GLI2: variants seen among roughly 807,000 people sequenced by gnomAD.
The protein encoded by GLI2 is GLI family zinc finger 2, also known as transcription activator GLI2.
A neutral mutation model predicts 78.9 loss-of-function variants in GLI2; 22 were observed. The ratio of observed to expected loss-of-function variants is 0.28; its 90% CI spans 0.20 to 0.40. GLI2 has a LOEUF of 0.40. Among genes scored for constraint, GLI2 ranks in the 10% least tolerant of loss-of-function variants. The pLI is 1.00. For synonymous variants in GLI2, 974 were observed against 963.7 expected (o/e 1.01, Z -0.20); for missense variants, 2,097 against 2,213.2 (o/e 0.95, Z 1.05).
At chr2:120,892,704 G>C (rs1337619595) in intron 2 of GLI2, among the ~76,000 whole-genome samples, 1 of 152,214 alleles carries the variant, frequency 6.6e-6, no homozygotes, top group African/African-American at 2.4e-5. Context: ...CAGAACTGGT[G>C]TGTAAATACC....
chr2:120,923,780 A>G (rs1679524499), intron 2 of GLI2, among the ~76,000 whole-genome samples: 1 of 152,094 alleles, frequency 6.6e-6, no homozygotes, highest in South Asian at 2.1e-4. Flanking sequence ...CACGTGCAGC[A>G]CACACATATA....
chr2:120,761,477 C>T (rs570148919), intron 1 of GLI2, among the ~76,000 whole-genome samples: 3 of 152,296 alleles, frequency 2.0e-5, no homozygotes, highest in African/African-American at 2.4e-5. Flanking sequence ...TTCTTTTCTC[C>T]CCACCTCAGA....
At chr2:120,746,420 G>C (rs1009790168) in intron 1 of GLI2, among the ~76,000 whole-genome samples, 8 of 152,194 alleles carry the variant, frequency 5.3e-5, no homozygotes. Context: ...TGCCCAGCCA[G>C]AAAGTAGAAG....
intron 3 of GLI2, among the ~76,000 whole-genome samples, chr2:120,950,495 C>A (rs906502808): frequency 1.3e-5 from 2 of 152,072 alleles, no homozygotes; most frequent in Non-Finnish European, 2.9e-5. Context: ...TCTTGGTGGG[C>A]GGACTTGGGG....
At chr2:120,873,111 C>G (rs72955303) in intron 2 of GLI2, among the ~76,000 whole-genome samples, 3,354 of 152,270 alleles carry the variant, frequency 0.022, 119 homozygotes, top group African/African-American at 0.077. Flanking sequence ...CTTGCTACCT[C>G]GTAACCTTTC....
chr2:120,815,265 C>T (rs1445445616), intron 2 of GLI2, among the ~76,000 whole-genome samples: 4 of 152,250 alleles, frequency 2.6e-5, no homozygotes, highest in Non-Finnish European at 4.4e-5. Context: ...AAGTCTTTAT[C>T]GGGAAGTGTT....
At chr2:120,935,778 G>A (rs992153913) in intron 3 of GLI2, among the ~76,000 whole-genome samples, 10 of 152,152 alleles carry the variant, frequency 6.6e-5, no homozygotes, top group African/African-American at 2.2e-4. Context: ...GAATGCACTC[G>A]CTGGGCTGCG....
rs143371892 is a variant in GLI2 at position 120,885,148 on chromosome 2, C to T, written c.149-42213C>T. Among the ~76,000 whole-genome samples the T allele has an allele frequency of 9.2e-5, 14 of 152,342 alleles. No individual in the cohort carries two copies. The East Asian group carries it at 2.3e-3, about 25-fold the overall frequency. On this transcript the variant is annotated intron_variant, in intron 2 of 13. Coordinates refer to ENST00000361492, the MANE Select transcript of GLI2 (RefSeq NM_001374353.1). ...CAGGAGGCTTTCCCCGATCTCATCA[C>T]CCCCAGGGAAGAGATCTCCCTTCTG...
rs1682336374 is a variant in GLI2 at position 120,735,998 on chromosome 2, G to T, written c.-318G>T. 6.6e-6 allele frequency among the ~76,000 whole-genome samples: 1 copy of T among 151,930 alleles called. No homozygotes were observed. Among genetic ancestry groups the T allele is most frequent in the Admixed American group, 6.6e-5 (1 of 15,256 alleles). ...GGCGGCGGCTGCGACTGCGAACGCG[G>T]AGGAAGGCCAGGAGCCGCAGGAGGA... On this transcript the variant is annotated 5_prime_UTR_variant, in exon 1 of 14. Transcript: ENST00000361492.
intron 3 of GLI2, among the ~76,000 whole-genome samples, chr2:120,950,605 G>A (rs571706893): frequency 1.3e-4 from 20 of 152,280 alleles, no homozygotes; most frequent in Middle Eastern, 6.8e-3. Flanking sequence ...TTCTGTTAGC[G>A]CTAGGAGGAA....
At chr2:120,739,550 T>G (rs1412942930) in intron 1 of GLI2, among the ~76,000 whole-genome samples, 1 of 152,190 alleles carries the variant, frequency 6.6e-6, no homozygotes, top group African/African-American at 2.4e-5. Context: ...CCAGCCTTGC[T>G]TCTTGGAGGC....
chr2:120,805,104 G>A (rs146136505), intron 2 of GLI2, among the ~76,000 whole-genome samples: 44 of 152,334 alleles, frequency 2.9e-4, no homozygotes, highest in Middle Eastern at 6.8e-3. Context: ...ACGGAAACCC[G>A]AGCATTCCTC....
At chr2:120,844,265 C>T (rs1476999528) in intron 2 of GLI2, among the ~76,000 whole-genome samples, 7 of 152,330 alleles carry the variant, frequency 4.6e-5, no homozygotes, top group African/African-American at 1.7e-4. Context: ...ATGGTATGTG[C>T]ATGATCGAGC....
At chr2:120,975,172 A>T in intron 9 of GLI2, 63 bp downstream of exon 9, 1 of 1,543,114 alleles carries the variant, frequency 6.5e-7, no homozygotes, top group Non-Finnish European at 8.9e-7. Flanking sequence ...CAGGATGCTG[A>T]GCCTTCCAGG....
At chr2:120,945,739 C>G (rs1214764286) in intron 3 of GLI2, among the ~76,000 whole-genome samples, 1 of 152,204 alleles carries the variant, frequency 6.6e-6, no homozygotes, top group African/African-American at 2.4e-5. Context: ...CTCAGCAACC[C>G]TTGCGGACAG....
At chr2:120,900,732 G>A (rs940173001) in intron 2 of GLI2, among the ~76,000 whole-genome samples, 1 of 152,190 alleles carries the variant, frequency 6.6e-6, no homozygotes, top group Non-Finnish European at 1.5e-5. Context: ...GCGTGGAGAC[G>A]GACATTGTAT....
At chr2:120,754,245 G>A (rs544632611) in intron 1 of GLI2, among the ~76,000 whole-genome samples, 1 of 152,178 alleles carries the variant, frequency 6.6e-6, no homozygotes, top group African/African-American at 2.4e-5. Context: ...CATCAACAGG[G>A]AGTGTTATCA....
intron 5 of GLI2, among the ~76,000 whole-genome samples, chr2:120,957,739 G>A (rs1014521735): frequency 2.0e-5 from 3 of 152,248 alleles, no homozygotes; most frequent in Non-Finnish European, 2.9e-5. Flanking sequence ...GTGTGTGTAC[G>A]TGCACACGTG....
intron 1 of GLI2, among the ~76,000 whole-genome samples, chr2:120,791,984 C>T (rs1297383674): frequency 1.3e-5 from 2 of 152,066 alleles, no homozygotes; most frequent in African/African-American, 4.8e-5. Context: ...GCACGCATGC[C>T]GCACGACTGA....
Sources: gnomAD v4.1 joint callset for allele counts (sites outside exome capture counted in the v4.1 genomes callset) on GRCh38, gnomAD v4.1.1 for gene constraint, MANE v1.5 for transcripts, NCBI Gene and HGNC (gene_info 2026-07-23, HGNC 2026-07-21) for gene names.